NEBL: variants seen among roughly 807,000 people sequenced by gnomAD.
NEBL encodes nebulette.
In NEBL, 122 loss-of-function variants were observed where a neutral mutation model predicts 140.2. That is an observed-to-expected ratio of 0.87 (90% CI 0.75 to 1.01). The LOEUF is 1.01. Among genes scored for constraint, NEBL ranks in the 50% least tolerant of loss-of-function variants. The pLI is 0.00. For synonymous variants in NEBL, 436 were observed against 398.9 expected (o/e 1.09, Z -1.11); for missense variants, 1,365 against 1,231.3 (o/e 1.11, Z -1.62).
At chr10:21,136,689 G>A (rs957726515) in intron 2 of NEBL, among the ~76,000 whole-genome samples, 5 of 152,204 alleles carry the variant, frequency 3.3e-5, no homozygotes, top group East Asian at 1.9e-4. Context: ...GACAAAGCTC[G>A]CCAAAGCCTA....
chr10:21,235,020 C>T (rs1842329666), intron 3 of NEBL, among the ~76,000 whole-genome samples: 2 of 152,108 alleles, frequency 1.3e-5, no homozygotes. Context: ...AGTAGCCAGG[C>T]GTGGTGGCAC....
intron 2 of NEBL, among the ~76,000 whole-genome samples, chr10:21,153,922 A>G (rs1415379890): frequency 6.6e-6 from 1 of 152,244 alleles, no homozygotes; most frequent in Non-Finnish European, 1.5e-5. Flanking sequence ...ATGCAAAATG[A>G]AATAAGACCA....
At chr10:21,149,066 G>T (rs1470398599) in intron 2 of NEBL, among the ~76,000 whole-genome samples, 1 of 152,188 alleles carries the variant, frequency 6.6e-6, no homozygotes, top group Non-Finnish European at 1.5e-5. Flanking sequence ...CCACTCGTCT[G>T]TTAGGATTAG....
At chr10:21,170,632 A>G (rs1246076622) in intron 2 of NEBL, 1 of 152,730 alleles carries the variant, frequency 6.5e-6, no homozygotes, top group Non-Finnish European at 1.5e-5. Context: ...AGTTTGGGGA[A>G]TATCTGTGGA....
At chr10:21,157,580 A>G (rs571098400) in intron 2 of NEBL, among the ~76,000 whole-genome samples, 4 of 152,348 alleles carry the variant, frequency 2.6e-5, no homozygotes, top group African/African-American at 9.6e-5. Flanking sequence ...CAAAAAATAA[A>G]AAAAAATTGA....
At position 20,931,491 on chromosome 10, in the gene NEBL, T is replaced by C. The variant is rs76227060; in HGVS notation, c.357+30181A>G. On this transcript the variant is annotated intron_variant, in intron 4 of 6. Coordinates refer to the NEBL transcript ENST00000417816. ...ATCAAAAAGAAATGTTCCTCTAAAC[T>C]AACAAAGATATGGGATGAGAGTCAG... Among the ~76,000 whole-genome samples the C allele has an allele frequency of 2.1e-3, 314 of 152,190 alleles. 9 individuals are homozygous for C. The East Asian group carries it at 0.052, about 25-fold the overall frequency.
In NEBL at chr10:21,032,478, G is replaced by A. The variant is rs1180048400; in HGVS notation, c.165-12277C>T. On this transcript the variant is annotated intron_variant, in intron 2 of 6. Transcript: ENST00000417816. ...TCATGAATTTCCTTCCACAGCCATC[G>A]TCTTGTTCTTAATTCTACCACTAAC... Among the ~76,000 whole-genome samples, 4 of 152,270 alleles carry A rather than the reference G, an allele frequency of 2.6e-5. No homozygotes were observed. In the South Asian group the frequency reaches 6.2e-4, roughly 24 times the overall value.
chr10:20,812,647 A>T, intron 24 of NEBL, 122 bp downstream of exon 24: 1 of 1,231,450 alleles, frequency 8.1e-7, no homozygotes, highest in Non-Finnish European at 1.2e-6. Context: ...GGTCCATTTT[A>T]AATTGGGTAC....
intron 11 of NEBL, among the ~76,000 whole-genome samples, chr10:20,848,358 A>G (rs1842150716): frequency 6.6e-6 from 1 of 152,248 alleles, no homozygotes; most frequent in Non-Finnish European, 1.5e-5. Context: ...ATTCACTAGT[A>G]TCAATTCACT....
intron 4 of NEBL, among the ~76,000 whole-genome samples, chr10:20,910,952 G>A (rs1009981420): frequency 6.6e-6 from 1 of 151,814 alleles, no homozygotes. Flanking sequence ...AGGATGGCTT[G>A]AGTCTAGGAG....
chr10:20,846,665 A>C (rs1392480520), intron 11 of NEBL, among the ~76,000 whole-genome samples: 1 of 152,192 alleles, frequency 6.6e-6, no homozygotes, highest in Non-Finnish European at 1.5e-5. Context: ...GGCTGAATCT[A>C]GGGCATCTCT....
chr10:21,209,588 T>A (rs1218985102), intron 3 of NEBL, among the ~76,000 whole-genome samples: 1 of 151,646 alleles, frequency 6.6e-6, no homozygotes, highest in Non-Finnish European at 1.5e-5. Context: ...TAAGCAGAAG[T>A]CTGCAGGATG....
intron 3 of NEBL, among the ~76,000 whole-genome samples, chr10:20,990,086 G>T (rs1024409284): frequency 3.3e-5 from 5 of 151,972 alleles, no homozygotes; most frequent in African/African-American, 1.2e-4. Context: ...TAATAATGAA[G>T]CCATATTATT....
At chr10:20,961,828 A>C (rs1836064846) in intron 3 of NEBL, 6 of 1,415,258 alleles carry the variant, frequency 4.2e-6, no homozygotes, top group Non-Finnish European at 6.0e-6. Flanking sequence ...CACGAATCCC[A>C]CTCGGGATAG....
In NEBL at chr10:21,090,215, C is replaced by G. The variant is rs186000466; in HGVS notation, c.165-70014G>C. ...TTATCACCCCAAGAACCACTGCCTA[C>G]TAAAACTACACACAAAGATTCTTGC... On this transcript the variant is annotated intron_variant, in intron 2 of 6. Coordinates refer to the NEBL transcript ENST00000417816. 6.6e-5 allele frequency among the ~76,000 whole-genome samples: 10 copies of G among 152,328 alleles called. No homozygotes were observed. In the East Asian group the frequency reaches 1.4e-3, roughly 21 times the overall value.
At chr10:21,107,542 T>A (rs1272573998) in intron 2 of NEBL, among the ~76,000 whole-genome samples, 1 of 152,184 alleles carries the variant, frequency 6.6e-6, no homozygotes, top group Non-Finnish European at 1.5e-5. Flanking sequence ...CAGATAAGCT[T>A]TCTGATGTGC....
At chr10:21,120,787 A>G (rs1319848427) in intron 2 of NEBL, among the ~76,000 whole-genome samples, 2 of 151,708 alleles carry the variant, frequency 1.3e-5, no homozygotes, top group Non-Finnish European at 2.9e-5. Flanking sequence ...ACACACGCCC[A>G]AGTGAGGTCT....
chr10:21,061,303 T>G (rs1236356641), intron 2 of NEBL, among the ~76,000 whole-genome samples: 1 of 142,926 alleles, frequency 7.0e-6, no homozygotes, highest in Non-Finnish European at 1.5e-5. Flanking sequence ...ATATTACATA[T>G]TATGTGATAT....
At chr10:21,276,841 C>T (rs968972067) in intron 1 of NEBL, among the ~76,000 whole-genome samples, 5 of 152,058 alleles carry the variant, frequency 3.3e-5, no homozygotes, top group African/African-American at 1.2e-4. Context: ...TGATGGCAGG[C>T]GCTGGTAATC....
Sources: allele counts gnomAD v4.1 joint callset (sites outside exome capture counted in the v4.1 genomes callset), GRCh38; gene constraint gnomAD v4.1.1; transcripts MANE v1.5; gene names NCBI Gene and HGNC (gene_info 2026-07-23, HGNC 2026-07-21).